PRKAR2A: variants seen among roughly 807,000 people sequenced by gnomAD.
The protein encoded by PRKAR2A is cAMP-dependent protein kinase type II-alpha regulatory subunit.
A neutral mutation model predicts 51.9 loss-of-function variants in PRKAR2A; 29 were observed. The ratio of observed to expected loss-of-function variants is 0.56; its 90% confidence interval spans 0.42 to 0.76. The LOEUF (loss-of-function observed/expected upper bound fraction) is 0.76. PRKAR2A is among the 30% of genes least tolerant of loss of function. PRKAR2A has a pLI of 0.00. For synonymous variants in PRKAR2A, 178 were observed against 186.2 expected (o/e 0.96, Z 0.36); for missense variants, 445 against 512.1 (o/e 0.87, Z 1.26).
intron 1 of PRKAR2A, among the ~76,000 whole-genome samples, chr3:48,829,840 CGTGTGT>C (rs1256218451): frequency 1.6e-5 from 1 of 62,592 alleles, no homozygotes; most frequent in African/African-American, 7.1e-5. Context: ...CATATATATG[CGTGTGT>C]GTATATATAT....
rs149509507 is a variant in PRKAR2A at position 48,747,249 on chromosome 3, A to G, written c.*4336T>C. 6.6e-6 allele frequency: 1 copy of G among 152,284 alleles called. No homozygotes were observed. Among genetic ancestry groups the G allele is most frequent in the East Asian group, 1.9e-4 (1 of 5,192 alleles). The allele number at this position is 152,284 out of a possible 1,614,324, so 9.4% of individuals were successfully genotyped here. ...AAGATTGGTTTACAAGTTCATGACA[A>G]GAACAAAAATTCCAACATCAGCCAA... On this transcript the variant is annotated 3_prime_UTR_variant, in exon 11 of 11. Coordinates refer to ENST00000265563, the MANE Select transcript of PRKAR2A (RefSeq NM_004157.4).
intron 3 of PRKAR2A, among the ~76,000 whole-genome samples, chr3:48,793,445 G>A (rs2082425494): frequency 6.6e-6 from 1 of 152,114 alleles, no homozygotes; most frequent in Admixed American, 6.6e-5. Context: ...TGTTGTCGTT[G>A]TTATTTTAAC....
At chr3:48,844,626 G>A (rs1395944675) in intron 1 of PRKAR2A, among the ~76,000 whole-genome samples, 1 of 147,718 alleles carries the variant, frequency 6.8e-6, no homozygotes, top group Non-Finnish European at 1.5e-5. Context: ...AGAAAATGTG[G>A]CACATATACA....
chr3:48,757,721 G>A (rs532559771), intron 8 of PRKAR2A, among the ~76,000 whole-genome samples: 11 of 152,112 alleles, frequency 7.2e-5, no homozygotes, highest in African/African-American at 2.7e-4. Context: ...CCAGGAGTTC[G>A]ACACCAGCCT....
intron 8 of PRKAR2A, among the ~76,000 whole-genome samples, chr3:48,759,096 A>G (rs1290023083): frequency 6.6e-6 from 1 of 152,264 alleles, no homozygotes; most frequent in Non-Finnish European, 1.5e-5. Flanking sequence ...AAAATTTAAA[A>G]TAAAACCATG....
intron 1 of PRKAR2A, among the ~76,000 whole-genome samples, chr3:48,832,448 T>TA (rs1302133688): frequency 2.0e-5 from 3 of 152,170 alleles, no homozygotes; most frequent in Non-Finnish European, 4.4e-5. Context: ...CTAAAAGTTT[T>TA]AGTTACCAGC....
chr3:48,768,330 T>TAGATAGACAGACAGAC (rs1553666205), intron 6 of PRKAR2A, among the ~76,000 whole-genome samples: 71 of 150,742 alleles, frequency 4.7e-4, no homozygotes, highest in African/African-American at 1.7e-3. Context: ...GATAGATAGA[T>TAGATAGACAGACAGAC]AGATAGATAG....
At chr3:48,745,134 C>T (rs555113417), downstream of PRKAR2A, among the ~76,000 whole-genome samples, 2 of 150,998 alleles carry the variant, frequency 1.3e-5, no homozygotes, top group African/African-American at 4.9e-5. Flanking sequence ...CTCAGCCTCC[C>T]AAAGTCCTGG....
intron 1 of PRKAR2A, among the ~76,000 whole-genome samples, chr3:48,840,645 C>T (rs1290802488): frequency 4.1e-5 from 5 of 120,690 alleles, no homozygotes; most frequent in Admixed American, 1.0e-4. Flanking sequence ...GGCACAATCT[C>T]GGCTCACTGC....
chr3:48,788,561 A>G (rs890964013), intron 4 of PRKAR2A, among the ~76,000 whole-genome samples: 1 of 152,200 alleles, frequency 6.6e-6, no homozygotes, highest in African/African-American at 2.4e-5. Context: ...CTCTGTTACT[A>G]TGAACTAAAT....
intron 4 of PRKAR2A, among the ~76,000 whole-genome samples, chr3:48,785,549 C>A (rs1468945586): frequency 6.6e-6 from 1 of 151,902 alleles, no homozygotes; most frequent in African/African-American, 2.4e-5. Flanking sequence ...CGTGAGCCAC[C>A]GGGCCCGGCC....
chr3:48,816,944 G>A (rs1374636979), intron 1 of PRKAR2A, among the ~76,000 whole-genome samples: 1 of 152,192 alleles, frequency 6.6e-6, no homozygotes, highest in Non-Finnish European at 1.5e-5. Flanking sequence ...CACCTTAGGA[G>A]GCCGAGGCAG....
intron 8 of PRKAR2A, among the ~76,000 whole-genome samples, chr3:48,763,082 A>C (rs913714205): frequency 2.6e-5 from 4 of 152,184 alleles, no homozygotes; most frequent in Non-Finnish European, 4.4e-5. Flanking sequence ...GTACACTTAA[A>C]CTTAGTAATT....
chr3:48,760,380 A>AAAACAC (rs1384755042), intron 8 of PRKAR2A, among the ~76,000 whole-genome samples: 1 of 152,054 alleles, frequency 6.6e-6, no homozygotes, highest in Non-Finnish European at 1.5e-5. Context: ...AAAACAAAAC[A>AAAACAC]AAACACAAAA....
At chr3:48,792,383 G>C (rs963742715) in intron 3 of PRKAR2A, among the ~76,000 whole-genome samples, 1 of 148,360 alleles carries the variant, frequency 6.7e-6, no homozygotes, top group Non-Finnish European at 1.5e-5. Flanking sequence ...CTCATGATCC[G>C]CCTGCCTCGG....
intron 3 of PRKAR2A, among the ~76,000 whole-genome samples, chr3:48,790,829 T>C (rs539840920): frequency 1.7e-4 from 26 of 152,270 alleles, no homozygotes; most frequent in Non-Finnish European, 2.2e-4. Context: ...ACCCTGAAGC[T>C]ACCTGCCGAC....
Position 48,843,981 on chromosome 3 carries a change from C to T in PRKAR2A, c.262+3354G>A, listed in dbSNP as rs2083421171. Among the ~76,000 whole-genome samples the T allele has an allele frequency of 2.0e-5, 3 of 149,442 alleles. No individual in the cohort carries two copies. The South Asian group carries it at 6.4e-4, about 32-fold the overall frequency. On this transcript the variant is annotated intron_variant, in intron 1 of 10. Coordinates refer to ENST00000265563, the MANE Select transcript of PRKAR2A (RefSeq NM_004157.4). The stretch of plus-strand genomic sequence containing the variant: ...CAATGGCAACAAAAGCCAAAATTGA[C>T]AAATGGGATCTAATTAAACTAAAGA...
chr3:48,844,935 C>T (rs1021160122), intron 1 of PRKAR2A, among the ~76,000 whole-genome samples: 2 of 151,446 alleles, frequency 1.3e-5, no homozygotes, highest in Non-Finnish European at 2.9e-5. Context: ...ACATATGTAA[C>T]TAACCTGCAC....
intron 1 of PRKAR2A, among the ~76,000 whole-genome samples, chr3:48,844,823 T>A (rs1238993981): frequency 1.6e-5 from 2 of 125,894 alleles, no homozygotes; most frequent in African/African-American, 6.1e-5. Context: ...AACATCACAC[T>A]CTGGGGACTG....
Sources: gnomAD v4.1 joint callset for allele counts (sites outside exome capture counted in the v4.1 genomes callset) on GRCh38, gnomAD v4.1.1 for gene constraint, MANE v1.5 for transcripts, NCBI Gene and HGNC (gene_info 2026-07-23, HGNC 2026-07-21) for gene names.